The following XKR7 variants were observed in gnomAD, a reference collection of about 807,000 sequenced individuals.
XKR7 encodes XK related 7, also known as XK-related protein 7.
XKR7 carries 11 observed loss-of-function variants against 42.2 expected under a neutral mutation model. That is an observed-to-expected ratio of 0.26 (90% CI 0.16 to 0.43). The LOEUF (loss-of-function observed/expected upper bound fraction) is 0.43. XKR7 is among the 20% of genes least tolerant of loss of function. XKR7 has a pLI of 1.00. For missense variants in XKR7, 710 were observed against 802.2 expected (o/e 0.89, Z 1.39); for synonymous variants, 346 against 366.4 (o/e 0.94, Z 0.64).
At position 31,997,408 on chromosome 20, in the gene XKR7, G is replaced by T. The variant is rs371260952; in HGVS notation, c.1691G>T (p.Arg564Leu). The T allele has an allele frequency of 6.3e-7, 1 of 1,599,316 alleles. No homozygotes were observed. The highest frequency in any genetic ancestry group is 8.5e-7 in the Non-Finnish European group (1 of 1,179,806). The change falls in exon 3 of 3, where the codon CGG becomes CTG. Residue 564 changes from arginine to leucine, a missense_variant. Arg to Leu is a moderately radical substitution (Grantham distance 102, BLOSUM62 -2). Transcript: ENST00000562532. ...CCTGCCACGCCCCGGTTGCAGTACC[G>T]GAGTGTGGGGACTTCCCAGGAGCTG... ...SSPATPRLQY[R>L]SVGTSQELLE...
chr20:31,980,424 T>C (rs1297090373), intron 1 of XKR7, among the ~76,000 whole-genome samples: 1 of 152,122 alleles, frequency 6.6e-6, no homozygotes, highest in Admixed American at 6.5e-5. Flanking sequence ...GAGGAGGCTA[T>C]ATAGCTGGGA....
chr20:31,992,143 C>A (rs906476442), intron 1 of XKR7, among the ~76,000 whole-genome samples: 1 of 151,636 alleles, frequency 6.6e-6, no homozygotes, highest in African/African-American at 2.4e-5. Flanking sequence ...AAAACAAAAA[C>A]AAAAACAAAC....
chr20:31,968,880 C>T lies in XKR7; in HGVS notation c.584+121C>T. The T allele has an allele frequency of 1.5e-6, 2 of 1,373,454 alleles. No individual in the cohort carries two copies. Among genetic ancestry groups the T allele is most frequent in the South Asian group, 1.5e-5 (1 of 64,668 alleles). The allele number at this position is 1,373,454 out of a possible 1,614,324, so 85.1% of individuals were successfully genotyped here. On this transcript the variant is annotated intron_variant, in intron 1 of 2. Coordinates refer to ENST00000562532, the MANE Select transcript of XKR7 (RefSeq NM_001011718.2). The surrounding 1 kb of genome is among the most constrained non-coding windows in gnomAD (Gnocchi z 4.5). ...CCCTCCTGTCCTGACCTCCCCCCCT[C>T]CCCACCCCATTGCAGCTCTAATTTC... is the stretch of plus-strand genomic sequence containing the variant.
rs1224951539 is a variant in XKR7, at chr20:31,995,033, C to A, written c.585-35C>A. ...GGTGCGACAGAGCGAGAGGAACCAG[C>A]GCGCGGGAGCCTGAGCACCGCGTCC... On this transcript the variant is annotated intron_variant, in intron 1 of 2. Coordinates refer to ENST00000562532, the MANE Select transcript of XKR7 (RefSeq NM_001011718.2). The surrounding 1 kb of genome is among the most constrained non-coding windows in gnomAD (Gnocchi z 4.1). The A allele has an allele frequency of 7.1e-6, 11 of 1,538,746 alleles. No individual in the cohort carries two copies. Among genetic ancestry groups the A allele is most frequent in the African/African-American group, 1.4e-5 (1 of 72,316 alleles).
intron 1 of XKR7, among the ~76,000 whole-genome samples, chr20:31,992,518 G>A (rs1325893126): frequency 6.6e-6 from 1 of 152,184 alleles, no homozygotes; most frequent in Non-Finnish European, 1.5e-5. Context: ...GTGAGCAGTG[G>A]GTATAGATAC....
intron 1 of XKR7, among the ~76,000 whole-genome samples, chr20:31,988,027 C>T (rs531717421): frequency 3.9e-5 from 6 of 152,338 alleles, no homozygotes; most frequent in Admixed American, 1.3e-4. Flanking sequence ...AATAGACAGG[C>T]TGATCTGAGC....
intron 1 of XKR7, among the ~76,000 whole-genome samples, chr20:31,989,767 C>T (rs1378969871): frequency 3.9e-5 from 6 of 152,194 alleles, no homozygotes; most frequent in Non-Finnish European, 8.8e-5. Context: ...GCACACGCCA[C>T]CACATCGGCC....
intron 1 of XKR7, among the ~76,000 whole-genome samples, chr20:31,975,144 C>A (rs2064479665): frequency 6.6e-6 from 1 of 152,086 alleles, no homozygotes; most frequent in African/African-American, 2.4e-5. Flanking sequence ...GGGATCTTCT[C>A]TGGCCTCTCT....
rs2064618267 is a variant in XKR7, at chr20:32,000,318, T to G, written c.*2861T>G. On this transcript the variant is annotated 3_prime_UTR_variant, in exon 3 of 3. Transcript: ENST00000562532. ...GTGACACAATCTACCTCAGCCAGTC[T>G]CTCCCCTAGCAGAACTGACCCCCCT... 6.6e-6 allele frequency: 1 copy of G among 152,592 alleles called. No homozygotes were observed. The highest frequency in any genetic ancestry group is 6.6e-5 in the Admixed American group (1 of 15,266). The allele number at this position is 152,592 out of a possible 1,614,324, so 9.5% of individuals were successfully genotyped here.
chr20:31,997,048 C>T lies in XKR7; in HGVS notation c.1331C>T (p.Pro444Leu). 1.9e-6 allele frequency: 3 copies of T among 1,613,916 alleles called. No homozygotes were observed. Among genetic ancestry groups the T allele is most frequent in the Non-Finnish European group, 2.5e-6 (3 of 1,180,046 alleles). The change falls in exon 3 of 3, where the codon CCC (proline) becomes CTC (leucine). Residue 444 changes from proline to leucine, a missense_variant. This residue lies in a region of XKR7 where 708 missense variants were observed against 786.2 expected (regional missense o/e 0.90). Coordinates refer to ENST00000562532, the MANE Select transcript of XKR7 (RefSeq NM_001011718.2). Reference protein sequence around the residue: ...VYYCLLHPNGPMLGPQAPGCI... With the variant: ...VYYCLLHPNGLMLGPQAPGCI... ...TACTGTCTCCTGCACCCCAATGGGC[C>T]CATGCTGGGTCCCCAGGCACCTGGT...
chr20:31,984,997 A>G (rs955466773), intron 1 of XKR7, among the ~76,000 whole-genome samples: 1 of 152,198 alleles, frequency 6.6e-6, no homozygotes, highest in Non-Finnish European at 1.5e-5. Flanking sequence ...AGGGATGGAT[A>G]CGTTCATATG....
At position 32,000,929 on chromosome 20, in the gene XKR7, TTG is replaced by T. The variant is rs1360824497; in HGVS notation, c.*3476_*3477del. 1 of 152,448 alleles carries T rather than the reference TTG, an allele frequency of 6.6e-6. No homozygotes were observed. Among genetic ancestry groups the T allele is most frequent in the African/African-American group, 2.4e-5 (1 of 41,464 alleles). 9.4% of individuals were successfully genotyped at this position (152,448 alleles called of 1,614,324 possible). ...TCCCCTCCTGTCATCTGCCTCATTC[TTG>T]TGTCTCCCCCAAATCTGCCTTACCC... On this transcript the variant is annotated 3_prime_UTR_variant, in exon 3 of 3. Coordinates refer to ENST00000562532, the MANE Select transcript of XKR7 (RefSeq NM_001011718.2).
In XKR7 at chr20:31,997,251, G is replaced by C; in HGVS notation, c.1534G>C (p.Val512Leu). The C allele has an allele frequency of 1.2e-6, 2 of 1,612,094 alleles. No homozygotes were observed. The highest frequency in any genetic ancestry group is 1.7e-6 in the Non-Finnish European group (2 of 1,179,948). Residue 512 changes from valine to leucine, a missense_variant, in exon 3 of 3, where the codon GTG becomes CTG. Around this residue, in one of 2 missense-constraint regions of XKR7, gnomAD observed 708 missense variants for 786.2 expected, o/e 0.90. Transcript: ENST00000562532. Reference sequence around the variant, plus strand: ...GCGGCCTGGCTTGCCTCCCACACCAGTGGCCCGCACCTTGCGGACAGAGGG... The same window carrying C: ...GCGGCCTGGCTTGCCTCCCACACCACTGGCCCGCACCTTGCGGACAGAGGG... ...QVRPGLPPTP[V>L]ARTLRTEGPV...
Position 32,001,687 on chromosome 20 carries a change from T to C in XKR7, c.*4230T>C, listed in dbSNP as rs931453523. Reference sequence around the variant, plus strand: ...AGAGGCTGCTGGAGTCTTCTCCAGCTTGGGGGCCCCTGGTTAGGAGGAATC... The same window carrying C: ...AGAGGCTGCTGGAGTCTTCTCCAGCCTGGGGGCCCCTGGTTAGGAGGAATC... On this transcript the variant is annotated 3_prime_UTR_variant, in exon 3 of 3. Coordinates refer to ENST00000562532, the MANE Select transcript of XKR7 (RefSeq NM_001011718.2). The C allele has an allele frequency of 6.6e-5, 10 of 152,190 alleles. No homozygotes were observed. Among genetic ancestry groups the C allele is most frequent in the African/African-American group, 2.4e-4 (10 of 41,402 alleles). 9.4% of individuals were successfully genotyped at this position (152,190 alleles called of 1,614,324 possible).
In XKR7 at chr20:31,996,933, C is replaced by A; in HGVS notation, c.1216C>A (p.Arg406Ser). The change falls in exon 3 of 3, where the codon CGC (arginine) becomes AGC (serine). Residue 406 changes from arginine (R) to serine (S), a missense_variant. Transcript: ENST00000562532. ...AALTGFWYSS[R>S]NFSTDFYSLI... ...GCTCACCGGCTTCTGGTACTCCAGC[C>A]GCAACTTCTCAACCGACTTCTACTC... 1.2e-6 allele frequency: 2 copies of A among 1,614,070 alleles called. No homozygotes were observed. The highest frequency in any genetic ancestry group is 1.7e-6 in the Non-Finnish European group (2 of 1,180,028).
intron 1 of XKR7, among the ~76,000 whole-genome samples, chr20:31,977,769 G>A (rs1214058916): frequency 6.6e-6 from 1 of 152,170 alleles, no homozygotes; most frequent in Non-Finnish European, 1.5e-5. Flanking sequence ...TCAAAGTAAA[G>A]GGAGGCACAG....
chr20:31,968,673 C>T lies in XKR7; in HGVS notation c.498C>T (p.Ala166=). ...EPGPQPAPSS[A]SAYRRRCCRL... is the part of the protein sequence containing the mutation. ...GTCCCCAGCCTGCGCCCTCCTCGGC[C>T]AGCGCCTACCGCCGCCGCTGCTGCC... is the stretch of plus-strand genomic sequence containing the variant. Residue 166 remains alanine (A), a synonymous_variant, in exon 1 of 3, where the codon GCC becomes GCT. Coordinates refer to ENST00000562532, the MANE Select transcript of XKR7 (RefSeq NM_001011718.2). This position sits in a 1 kb window ranked among gnomAD's most constrained non-coding sequence, Gnocchi z 4.5. The T allele has an allele frequency of 6.4e-7, 1 of 1,567,774 alleles. No individual in the cohort carries two copies. The highest frequency in any genetic ancestry group is 1.8e-4 in the Middle Eastern group (1 of 5,542).
intron 1 of XKR7, among the ~76,000 whole-genome samples, chr20:31,993,418 C>A (rs533989205): frequency 2.0e-4 from 31 of 152,272 alleles, no homozygotes; most frequent in African/African-American, 7.2e-4. Context: ...ATCCTCACCG[C>A]CACTTTGGGA....
chr20:31,996,605 C>G lies in XKR7; in HGVS notation c.888C>G (p.Tyr296Ter). The G allele has an allele frequency of 6.4e-7, 1 of 1,569,084 alleles. No homozygotes were observed. Among genetic ancestry groups the G allele is most frequent in the Non-Finnish European group, 8.6e-7 (1 of 1,157,720 alleles). The change falls in exon 3 of 3, where the codon TAC becomes TAG. Residue 296 changes from tyrosine to a stop codon, truncating the protein, a stop_gained. Transcript: ENST00000562532. LOFTEE classifies it high-confidence loss of function. Reference protein sequence around the residue: ...DSRDDKRPLSYKGAVAQVLWH... With the variant: ...DSRDDKRPLS ...GGGACGACAAGCGGCCGCTGTCCTA[C>G]AAGGGCGCCGTGGCACAGGTGCTGT...
Sources: allele counts gnomAD v4.1 joint callset (sites outside exome capture counted in the v4.1 genomes callset), GRCh38; gene constraint gnomAD v4.1.1; regional missense constraint gnomAD v4.1.1; non-coding constraint Gnocchi (gnomAD v3.1); transcripts MANE v1.5; gene names NCBI Gene and HGNC (gene_info 2026-07-23, HGNC 2026-07-21).